Variants in NCKAP1 observed in about 807,000 individuals in gnomAD.
NCKAP1 encodes NCK associated protein 1.
Under a neutral mutation model 151.2 loss-of-function variants are expected in NCKAP1, and 21 were observed. That is an observed-to-expected ratio of 0.14 (90% CI 0.10 to 0.20). The LOEUF (loss-of-function observed/expected upper bound fraction) is 0.20. Ranked by LOEUF, NCKAP1 falls within the 10% of genes least tolerant of loss-of-function variation. NCKAP1 has a pLI of 1.00. For missense variants in NCKAP1, 933 were observed against 1,352.1 expected (o/e 0.69, Z 4.86); for synonymous variants, 484 against 451.8 (o/e 1.07, Z -0.90).
intron 2 of NCKAP1, among the ~76,000 whole-genome samples, chr2:183,016,948 G>C (rs1698700960): frequency 6.6e-6 from 1 of 152,140 alleles, no homozygotes; most frequent in Non-Finnish European, 1.5e-5. Flanking sequence ...AGTCGTAAAT[G>C]ACCAGTTTGA....
At chr2:183,029,648 T>C (rs1698967416) in intron 1 of NCKAP1, among the ~76,000 whole-genome samples, 1 of 151,724 alleles carries the variant, frequency 6.6e-6, no homozygotes, top group African/African-American at 2.4e-5. Context: ...AGGGAGACCC[T>C]GTCTCTACAA....
In NCKAP1 at chr2:182,983,334, C is replaced by T. The variant is rs1314149543; in HGVS notation, c.1053G>A (p.Lys351=). 1 of 1,613,384 alleles carries T rather than the reference C, an allele frequency of 6.2e-7. No individual in the cohort carries two copies. The highest frequency in any genetic ancestry group is 8.5e-7 in the Non-Finnish European group (1 of 1,179,554). The change falls in exon 11 of 31, where the codon AAG becomes AAA. Residue 351 remains lysine (K), a synonymous_variant. Transcript: ENST00000361354. ...ERRKFLRSAL[K]ELATVLSDQP... ...GATCAGAGAGGACAGTAGCCAATTC[C>T]TTCAGTGCAGATCTTAAAAACTTGC...
Position 182,953,255 on chromosome 2 carries a change from T to C in NCKAP1, c.2230A>G (p.Arg744Gly). The change falls in exon 21 of 31, where the codon AGA becomes GGA. Residue 744 changes from arginine (R) to glycine (G), a missense_variant. Transcript: ENST00000361354. The part of the protein sequence containing the change: ...AKPSELLTSV[R>G]AYMTVLQSIE... ...GACTGGAGTACGGTCATGTATGCTC[T>C]TACACTTGTTAGAAGTTCTGAAGGT... The C allele has an allele frequency of 6.2e-7, 1 of 1,613,614 alleles. No homozygotes were observed. The highest frequency in any genetic ancestry group is 8.5e-7 in the Non-Finnish European group (1 of 1,179,622).
chr2:183,023,553 G>A (rs1698834637), intron 2 of NCKAP1, among the ~76,000 whole-genome samples: 1 of 152,020 alleles, frequency 6.6e-6, no homozygotes, highest in Non-Finnish European at 1.5e-5. Flanking sequence ...CCTTACTCTT[G>A]TTGCAATTTG....
chr2:182,967,744 C>T (rs185399143), intron 15 of NCKAP1, among the ~76,000 whole-genome samples: 10 of 152,244 alleles, frequency 6.6e-5, no homozygotes, highest in Admixed American at 3.3e-4. Flanking sequence ...AAGTACTGCA[C>T]ATGTTGATTC....
intron 15 of NCKAP1, 83 bp downstream of exon 15, chr2:182,976,810 C>A: frequency 2.5e-6 from 2 of 799,868 alleles, no homozygotes; most frequent in Non-Finnish European, 3.7e-6. Context: ...AGGTATATAA[C>A]AATGAATATT....
chr2:183,013,078 G>C (rs1015879737), intron 2 of NCKAP1, among the ~76,000 whole-genome samples: 5 of 151,864 alleles, frequency 3.3e-5, no homozygotes, highest in Admixed American at 2.0e-4. Context: ...CATGATCATT[G>C]ACCACAACTG....
In NCKAP1 at chr2:182,962,173, T is replaced by A; in HGVS notation, c.1867A>T (p.Thr623Ser). The stretch of plus-strand genomic sequence containing the variant: ...TAAATCATTACCTGGTCACTAAGGG[T>A]ACACTGTTCTGTGCAAATATCAGTG... ...LITDICTEQC[T>S]LSDQLLPKHC... The change falls in exon 18 of 31, where the codon ACC (threonine) becomes TCC (serine). Residue 623 changes from threonine (T) to serine (S), a missense_variant. Transcript: ENST00000361354. The A allele has an allele frequency of 6.2e-7, 1 of 1,609,774 alleles. No homozygotes were observed. Among genetic ancestry groups the A allele is most frequent in the South Asian group, 1.1e-5 (1 of 90,200 alleles).
intron 24 of NCKAP1, among the ~76,000 whole-genome samples, chr2:182,937,703 T>A (rs893637597): frequency 2.6e-5 from 4 of 152,170 alleles, no homozygotes; most frequent in Non-Finnish European, 1.5e-5. Context: ...CCAAACAATG[T>A]ATACCTTTGG....
At chr2:182,995,913 G>C in intron 6 of NCKAP1, 75 bp from the exon 7 acceptor site, 1 of 1,262,484 alleles carries the variant, frequency 7.9e-7, no homozygotes, top group Non-Finnish European at 1.1e-6. Context: ...TATAATTGCT[G>C]TGTGTTTCTA....
In NCKAP1 at chr2:183,023,842, G is replaced by A. The variant is rs561721292; in HGVS notation, c.183C>T (p.Val61=). 1.9e-6 allele frequency: 3 copies of A among 1,613,322 alleles called. No individual in the cohort carries two copies. The highest frequency in any genetic ancestry group is 1.7e-4 in the Middle Eastern group (1 of 6,058). Residue 61 remains valine (V), a synonymous_variant, in exon 2 of 31, where the codon GTC becomes GTT. Transcript: ENST00000361354. ...KNLESAVKFI[V]RKFPAVETRN... is the part of the protein sequence containing the mutation. ...GGGTTTCTACAGCAGGGAATTTTCT[G>A]ACTATGAATTTCACAGCAGATTCCA...
At chr2:183,018,522 C>T (rs1469646546) in intron 2 of NCKAP1, among the ~76,000 whole-genome samples, 2 of 152,184 alleles carry the variant, frequency 1.3e-5, no homozygotes, top group African/African-American at 2.4e-5. Flanking sequence ...GGCCTCCCTA[C>T]ACCTATCACC....
At chr2:182,929,093 T>C (rs1447627348) in intron 27 of NCKAP1, among the ~76,000 whole-genome samples, 194 bp from the exon 28 acceptor site, 1 of 151,960 alleles carries the variant, frequency 6.6e-6, no homozygotes, top group Admixed American at 6.6e-5. Context: ...CAGTTTATAT[T>C]ACAATGGACT....
intron 23 of NCKAP1, among the ~76,000 whole-genome samples, chr2:182,948,271 T>C (rs1038986252): frequency 1.3e-5 from 2 of 151,948 alleles, no homozygotes; most frequent in Non-Finnish European, 2.9e-5. Context: ...GAAGGTAAAA[T>C]GAAAAGTCAA....
In NCKAP1 at chr2:182,912,678, G is replaced by A. The variant is rs564830799; in HGVS notation, c.*13024C>T. On this transcript the variant is annotated 3_prime_UTR_variant, in exon 31 of 31. Transcript: ENST00000361354. ...TAATAAAAATGGAATTTGAATGTTAGAGTGCAACCTGACAAAATGATTTAT... is the reference window on the plus strand; with the variant it reads ...TAATAAAAATGGAATTTGAATGTTAAAGTGCAACCTGACAAAATGATTTAT... 6.6e-6 allele frequency: 1 copy of A among 152,212 alleles called. No individual in the cohort carries two copies. The highest frequency in any genetic ancestry group is 1.5e-5 in the Non-Finnish European group (1 of 68,026). The allele number at this position is 152,212 out of a possible 1,614,324, so 9.4% of individuals were successfully genotyped here. A position where few individuals can be genotyped will look rare whatever the true frequency, so the allele number is the denominator to read the frequency against.
At chr2:182,940,015 G>A (rs1244539677) in intron 24 of NCKAP1, among the ~76,000 whole-genome samples, 2 of 152,094 alleles carry the variant, frequency 1.3e-5, no homozygotes, top group African/African-American at 2.4e-5. Flanking sequence ...AAACGACTAT[G>A]AATTTTATTT....
At chr2:182,955,038 G>C (rs1697296581) in intron 20 of NCKAP1, among the ~76,000 whole-genome samples, 1 of 152,052 alleles carries the variant, frequency 6.6e-6, no homozygotes, top group African/African-American at 2.4e-5. Context: ...ATGCCCCTTT[G>C]GTCTAAGTTC....
chr2:182,962,006 T>A (rs2105833105), intron 18 of NCKAP1, among the ~76,000 whole-genome samples, 153 bp downstream of exon 18: 1 of 152,306 alleles, frequency 6.6e-6, no homozygotes, highest in Non-Finnish European at 1.5e-5. Context: ...ATCTAAGAAA[T>A]TATACCTGTT....
chr2:182,957,078 T>C (rs1697342599), intron 19 of NCKAP1: 1 of 168,518 alleles, frequency 5.9e-6, no homozygotes, highest in South Asian at 1.9e-4. Flanking sequence ...TGTTTTATAA[T>C]AATGACATTG....
Sources: gnomAD v4.1 joint callset for allele counts (sites outside exome capture counted in the v4.1 genomes callset) on GRCh38, gnomAD v4.1.1 for gene constraint, MANE v1.5 for transcripts, NCBI Gene and HGNC (gene_info 2026-07-23, HGNC 2026-07-21) for gene names.